VRK3: variants seen among roughly 807,000 people sequenced by gnomAD.
VRK3 encodes serine/threonine-protein kinase VRK3.
In VRK3, 50 loss-of-function variants were observed where a neutral mutation model predicts 60.4. The ratio of observed to expected loss-of-function variants is 0.83; its 90% CI spans 0.66 to 1.05. The LOEUF is 1.05. Ranked by LOEUF, VRK3 falls within the 50% of genes least tolerant of loss-of-function variation. The probability of loss-of-function intolerance (pLI) is 0.00; values close to 1 mark genes in which losing one functional copy is unlikely to be tolerated. For missense variants in VRK3, 549 were observed against 585.3 expected (o/e 0.94, Z 0.64); for synonymous variants, 246 against 227.8 (o/e 1.08, Z -0.72).
At position 49,995,094 on chromosome 19, in the gene VRK3, C is replaced by T. The variant is rs531327028; in HGVS notation, c.764+97G>A. The T allele has an allele frequency of 2.3e-4, 317 of 1,402,614 alleles. 1 individual carries two copies. In the African/African-American group the frequency reaches 3.8e-3, roughly 17 times the overall value. 86.9% of individuals were successfully genotyped at this position (1,402,614 alleles called of 1,614,324 possible). ...ACTACGAGAAGGCAGGAAGCAAAGA[C>T]CTGGCCCACGGCTTCGGGGTCCCAG... On this transcript the variant is annotated intron_variant, in intron 8 of 14. Coordinates refer to ENST00000316763, the MANE Select transcript of VRK3 (RefSeq NM_016440.4).
chr19:49,999,746 A>C (rs1277822768), intron 6 of VRK3: 3 of 152,086 alleles, frequency 2.0e-5, no homozygotes, highest in Non-Finnish European at 4.4e-5. Context: ...CCAAGTTTTG[A>C]GCCTCAGGAA....
intron 7 of VRK3, among the ~76,000 whole-genome samples, chr19:49,995,626 G>A (rs1488341180): frequency 6.6e-6 from 1 of 152,204 alleles, no homozygotes. Context: ...TGGCATCACC[G>A]GAATGTGCCT....
intron 7 of VRK3, 115 bp downstream of exon 7, chr19:49,997,389 C>T: frequency 8.4e-7 from 1 of 1,184,582 alleles, no homozygotes; most frequent in Non-Finnish European, 1.2e-6. Flanking sequence ...TGGGAGCAAA[C>T]CTGGGCCTTT....
At chr19:49,992,817 T>C in intron 10 of VRK3, 43 bp downstream of exon 10, 1 of 1,583,646 alleles carries the variant, frequency 6.3e-7, no homozygotes, top group Non-Finnish European at 8.7e-7. Flanking sequence ...GATGGGAACC[T>C]GAGCCCAGAG....
At chr19:49,981,691 G>A (rs1274531715) in intron 12 of VRK3, 2 of 997,524 alleles carry the variant, frequency 2.0e-6, no homozygotes, top group South Asian at 9.0e-5. Context: ...TTGATGATGA[G>A]GAAAGATCCA....
chr19:49,982,293 G>T, intron 12 of VRK3: 1 of 693,026 alleles, frequency 1.4e-6, no homozygotes, highest in South Asian at 1.5e-5. Context: ...TCAGGCTTTG[G>T]GACATCAGAC....
At chr19:49,986,412 A>C (rs1392219302) in intron 12 of VRK3, 1 of 153,144 alleles carries the variant, frequency 6.5e-6, no homozygotes, top group Non-Finnish European at 1.5e-5. Context: ...GAAGCAGTGA[A>C]CTCGGTCCAC....
intron 1 of VRK3, among the ~76,000 whole-genome samples, chr19:50,024,167 A>G (rs983047437): frequency 2.6e-5 from 4 of 152,098 alleles, no homozygotes; most frequent in African/African-American, 9.7e-5. Flanking sequence ...CGAACTCCTG[A>G]ACCCAGGTGA....
Position 49,979,068 on chromosome 19 carries a change from A to C in VRK3, c.*11+15T>G. ...GCAAGGGGTGAGAGGCTTAAGCCTC[A>C]CAAGCTCTTCCCACCTGGATTCCAC... is the stretch of plus-strand genomic sequence containing the variant. On this transcript the variant is annotated intron_variant, in intron 14 of 14. Coordinates refer to ENST00000316763, the MANE Select transcript of VRK3 (RefSeq NM_016440.4). The C allele has an allele frequency of 6.3e-7, 1 of 1,584,490 alleles. No homozygotes were observed. The highest frequency in any genetic ancestry group is 1.2e-5 in the South Asian group (1 of 86,520).
intron 3 of VRK3, among the ~76,000 whole-genome samples, chr19:50,013,545 C>A (rs1388820862): frequency 1.3e-5 from 2 of 152,240 alleles, no homozygotes; most frequent in Non-Finnish European, 2.9e-5. Context: ...GACTCCCCGC[C>A]ATGTATGCTG....
intron 9 of VRK3, among the ~76,000 whole-genome samples, 186 bp downstream of exon 9, chr19:49,994,628 G>A (rs10409406): frequency 0.052 from 7,967 of 152,236 alleles, 689 homozygotes; most frequent in African/African-American, 0.18. Flanking sequence ...CCCCCCAAGG[G>A]CCCTCCACAG....
intron 13 of VRK3, among the ~76,000 whole-genome samples, chr19:49,980,073 T>TA (rs1369664808): frequency 1.3e-5 from 2 of 148,994 alleles, no homozygotes; most frequent in Admixed American, 6.6e-5. Context: ...AAATAAATTT[T>TA]AAAAAAATAA....
chr19:49,988,624 G>A lies in VRK3; in HGVS notation c.1097-132C>T, dbSNP rs1389950678. 9 of 1,246,022 alleles carry A rather than the reference G, an allele frequency of 7.2e-6. 1 individual carries two copies. The South Asian group carries it at 1.2e-4, about 17-fold the overall frequency. The allele number at this position is 1,246,022 out of a possible 1,614,324, so 77.2% of individuals were successfully genotyped here. On this transcript the variant is annotated intron_variant, in intron 11 of 14. Coordinates refer to ENST00000316763, the MANE Select transcript of VRK3 (RefSeq NM_016440.4). Reference sequence around the variant, plus strand: ...ATACACCCAGCCTTCCAGCCATATGGGCTGTCTCCTCCGCTCATTCACTTT... The same window carrying A: ...ATACACCCAGCCTTCCAGCCATATGAGCTGTCTCCTCCGCTCATTCACTTT...
chr19:50,023,959 A>G (rs2077215307), intron 1 of VRK3, among the ~76,000 whole-genome samples: 1 of 152,210 alleles, frequency 6.6e-6, no homozygotes, highest in Non-Finnish European at 1.5e-5. Flanking sequence ...CATGATGGAC[A>G]GAGTTTTGCT....
intron 5 of VRK3, among the ~76,000 whole-genome samples, chr19:50,003,703 C>T (rs553806649): frequency 1.1e-3 from 173 of 152,364 alleles, no homozygotes; most frequent in African/African-American, 3.9e-3. Flanking sequence ...CTTTAAATTA[C>T]GGGACATACA....
chr19:50,003,129 G>A (rs370016139), intron 5 of VRK3, among the ~76,000 whole-genome samples: 10 of 152,258 alleles, frequency 6.6e-5, no homozygotes, highest in Middle Eastern at 3.4e-3. Flanking sequence ...AGCGACAAGC[G>A]GCAAGCAGAG....
intron 4 of VRK3, 86 bp from the exon 5 acceptor site, chr19:50,007,912 TC>T (rs1284848704): frequency 1.3e-6 from 2 of 1,559,426 alleles, no homozygotes; most frequent in Admixed American, 3.8e-5. Flanking sequence ...AAAATACTGT[TC>T]CTTTACAAAT....
chr19:49,983,018 G>A (rs2076450193), intron 12 of VRK3, among the ~76,000 whole-genome samples: 1 of 152,006 alleles, frequency 6.6e-6, no homozygotes, highest in African/African-American at 2.4e-5. Context: ...TCTGGGGCCA[G>A]CTCAGCCCTC....
intron 5 of VRK3, among the ~76,000 whole-genome samples, chr19:50,006,844 T>C (rs1268678726): frequency 6.6e-6 from 1 of 152,234 alleles, no homozygotes; most frequent in African/African-American, 2.4e-5. Context: ...ATTTTCCTCA[T>C]TGTAACAGAG....
Sources: allele counts gnomAD v4.1 joint callset (sites outside exome capture counted in the v4.1 genomes callset), GRCh38; gene constraint gnomAD v4.1.1; transcripts MANE v1.5; gene names NCBI Gene and HGNC (gene_info 2026-07-23, HGNC 2026-07-21).